The following SEC63 variants were observed in gnomAD, a reference collection of about 807,000 sequenced individuals.
SEC63 encodes the protein translocation protein SEC63 homolog.
Under a neutral mutation model 116.2 loss-of-function variants are expected in SEC63, and 56 were observed. The observed-to-expected ratio is 0.48, with a 90% CI of 0.39 to 0.60. The LOEUF (loss-of-function observed/expected upper bound fraction) is 0.60, where lower values mean the gene tolerates loss of function less well. Ranked by LOEUF, SEC63 falls within the 20% of genes least tolerant of loss-of-function variation. The pLI is 0.00. For missense variants in SEC63, 668 were observed against 900.0 expected (o/e 0.74, Z 3.30); for synonymous variants, 273 against 294.6 (o/e 0.93, Z 0.75).
chr6:107,872,025 A>G (rs544745693), intron 20 of SEC63, among the ~76,000 whole-genome samples, 178 bp from the exon 21 acceptor site: 2 of 152,246 alleles, frequency 1.3e-5, no homozygotes, highest in Non-Finnish European at 2.9e-5. Context: ...AAATAAAACA[A>G]GTAAATTTAA....
intron 1 of SEC63, among the ~76,000 whole-genome samples, chr6:107,941,490 G>A (rs1178314568): frequency 1.3e-5 from 2 of 150,582 alleles, no homozygotes; most frequent in Non-Finnish European, 3.0e-5. Flanking sequence ...GAAACAGAGT[G>A]AGACCGTGTC....
At chr6:107,943,872 T>C (rs1770425815) in intron 1 of SEC63, among the ~76,000 whole-genome samples, 1 of 152,214 alleles carries the variant, frequency 6.6e-6, no homozygotes, top group African/African-American at 2.4e-5. Context: ...TCTAGTCAGA[T>C]TGAGACAGAT....
chr6:107,942,837 T>A (rs867802309), intron 1 of SEC63, among the ~76,000 whole-genome samples: 1 of 152,162 alleles, frequency 6.6e-6, no homozygotes, highest in South Asian at 2.1e-4. Flanking sequence ...AGAGAAAATA[T>A]ATTTACAGTA....
intron 1 of SEC63, among the ~76,000 whole-genome samples, chr6:107,953,962 G>A (rs962974526): frequency 6.6e-6 from 1 of 152,198 alleles, no homozygotes; most frequent in African/African-American, 2.4e-5. Context: ...CCGTCTGGGA[G>A]GTGTACCCAA....
At chr6:107,880,062 T>C (rs544668762) in intron 18 of SEC63, among the ~76,000 whole-genome samples, 1 of 152,326 alleles carries the variant, frequency 6.6e-6, no homozygotes, top group South Asian at 2.1e-4. Context: ...GGATGCTTGG[T>C]GTTGGCAGGC....
chr6:107,921,207 A>C (rs1787547985), intron 4 of SEC63, among the ~76,000 whole-genome samples: 1 of 152,174 alleles, frequency 6.6e-6, no homozygotes, highest in South Asian at 2.1e-4. Context: ...AAAAAAAAAA[A>C]ATCTAGAAAT....
At chr6:107,946,578 T>C (rs1436048639) in intron 1 of SEC63, among the ~76,000 whole-genome samples, 1 of 152,250 alleles carries the variant, frequency 6.6e-6, no homozygotes, top group Non-Finnish European at 1.5e-5. Context: ...TAATTCCTAC[T>C]GCCAAGTTCC....
intron 4 of SEC63, among the ~76,000 whole-genome samples, chr6:107,915,196 T>C (rs1225421322): frequency 2.6e-5 from 4 of 152,162 alleles, no homozygotes; most frequent in Non-Finnish European, 5.9e-5. Flanking sequence ...ATTCAGTGAG[T>C]GTAGTTTCCT....
rs1010984194 is a variant in SEC63 at position 107,870,372 on chromosome 6, T to C, written c.*1332A>G. On this transcript the variant is annotated 3_prime_UTR_variant, in exon 21 of 21. Transcript: ENST00000369002. ...CAGTAACAAGATGCCGGTAGTATTC[T>C]GCACTGAAAGTGGCAACCTTTTAAA... 3.3e-5 allele frequency: 5 copies of C among 152,686 alleles called. No homozygotes were observed. The highest frequency in any genetic ancestry group is 2.6e-4 in the Admixed American group (4 of 15,284). The allele number at this position is 152,686 out of a possible 1,614,324, so 9.5% of individuals were successfully genotyped here. A position where few individuals can be genotyped will look rare whatever the true frequency, so the allele number is the denominator to read the frequency against.
At chr6:107,941,024 G>C (rs555803562) in intron 1 of SEC63, among the ~76,000 whole-genome samples, 2 of 152,172 alleles carry the variant, frequency 1.3e-5, no homozygotes, top group South Asian at 2.1e-4. Flanking sequence ...AGAAACTCAA[G>C]TACTAGGAAA....
At chr6:107,903,654 A>G (rs9486745) in intron 11 of SEC63, among the ~76,000 whole-genome samples, 79,942 of 152,022 alleles carry the variant, frequency 0.53, 22,133 homozygotes, top group South Asian at 0.7. Context: ...GCAGTGAGCT[A>G]TGATTACCCT....
chr6:107,933,699 C>T (rs1308869014), intron 1 of SEC63, among the ~76,000 whole-genome samples: 1 of 151,524 alleles, frequency 6.6e-6, no homozygotes, highest in South Asian at 2.1e-4. Flanking sequence ...TGCCCCTGCC[C>T]CTGCCTCTCC....
At chr6:107,938,525 G>GCA (rs1207682228) in intron 1 of SEC63, among the ~76,000 whole-genome samples, 8 of 149,858 alleles carry the variant, frequency 5.3e-5, no homozygotes, top group African/African-American at 1.7e-4. Context: ...GATTACAGTT[G>GCA]TGAGACACCA....
rs1206634310 is a variant in SEC63 at position 107,930,173 on chromosome 6, C to CTTTTTTTTTT, written c.125-669_125-660dup. 1.8e-4 allele frequency: 16 copies of CTTTTTTTTTT among 89,290 alleles called. 1 individual carries two copies. The highest frequency in any genetic ancestry group is 4.0e-4 in the African/African-American group (9 of 22,550). 5.5% of individuals were successfully genotyped at this position (89,290 alleles called of 1,614,324 possible). ...ATGACACGCAAATTTGCAAAGTATT[C>CTTTTTTTTTT]TTTTTTTTTTTTTTTTTTTTTTTTG... On this transcript the variant is annotated intron_variant, in intron 1 of 20. Coordinates refer to ENST00000369002, the MANE Select transcript of SEC63 (RefSeq NM_007214.5).
chr6:107,910,970 C>A (rs1398636768), intron 7 of SEC63, among the ~76,000 whole-genome samples: 1 of 152,084 alleles, frequency 6.6e-6, no homozygotes, highest in Non-Finnish European at 1.5e-5. Context: ...CTCAGCCTCC[C>A]AATGTGCTGG....
At position 107,893,511 on chromosome 6, in the gene SEC63, G is replaced by C; in HGVS notation, c.1645C>G (p.Gln549Glu). The change falls in exon 16 of 21, where the codon CAA becomes GAA. Residue 549 changes from glutamine (Q) to glutamate (E), a missense_variant. Transcript: ENST00000369002. ...CCAACGACTCCATTTGCCTGCTTTT[G>C]TTTCTGTTGCTTTGACTGTGGTAAT... is the stretch of plus-strand genomic sequence containing the variant. Reference protein sequence around the residue: ...VLLPQSKQQKQKQANGVVGNE... With the variant: ...VLLPQSKQQKEKQANGVVGNE... 3 of 1,612,902 alleles carry C rather than the reference G, an allele frequency of 1.9e-6. No homozygotes were observed. Among genetic ancestry groups the C allele is most frequent in the Non-Finnish European group, 2.5e-6 (3 of 1,179,808 alleles).
At position 107,877,571 on chromosome 6, in the gene SEC63, G is replaced by A. The variant is rs1415532513; in HGVS notation, c.1936-909C>T. 5.9e-5 allele frequency among the ~76,000 whole-genome samples: 9 copies of A among 151,996 alleles called. No individual in the cohort carries two copies. In the East Asian group the frequency reaches 1.7e-3, roughly 29 times the overall value. On this transcript the variant is annotated intron_variant, in intron 18 of 20. Coordinates refer to ENST00000369002, the MANE Select transcript of SEC63 (RefSeq NM_007214.5). Reference sequence around the variant, plus strand: ...TGATCCTCCCACCTCAGCTTCCCAAGTAGCTGAGACTACAGGCATGCACCA... The same window carrying A: ...TGATCCTCCCACCTCAGCTTCCCAAATAGCTGAGACTACAGGCATGCACCA...
At chr6:107,874,467 G>A (rs1786209372) in intron 19 of SEC63, among the ~76,000 whole-genome samples, 1 of 151,562 alleles carries the variant, frequency 6.6e-6, no homozygotes, top group Admixed American at 6.6e-5. Context: ...GCAGTGGCGG[G>A]CGTCTGTAAT....
chr6:107,883,922 C>CT (rs1249617950), intron 16 of SEC63, among the ~76,000 whole-genome samples: 1 of 151,906 alleles, frequency 6.6e-6, no homozygotes, highest in Non-Finnish European at 1.5e-5. Flanking sequence ...TACTAGCTCA[C>CT]TTTAAGAATC....
Sources: gnomAD v4.1 joint callset for allele counts (sites outside exome capture counted in the v4.1 genomes callset) on GRCh38, gnomAD v4.1.1 for gene constraint, MANE v1.5 for transcripts, NCBI Gene and HGNC (gene_info 2026-07-23, HGNC 2026-07-21) for gene names.